Variants in NEK5 observed in about 807,000 individuals in gnomAD.
NEK5 encodes the protein serine/threonine-protein kinase Nek5.
NEK5 carries 88 observed loss-of-function variants against 109.2 expected under a neutral mutation model. That is an observed-to-expected ratio of 0.81 (90% CI 0.68 to 0.96). NEK5 has a LOEUF of 0.96. Ranked by LOEUF, NEK5 falls within the 40% of genes least tolerant of loss-of-function variation. The pLI is 0.00. For missense variants in NEK5, 834 were observed against 920.7 expected (o/e 0.91, Z 1.22); for synonymous variants, 283 against 299.9 (o/e 0.94, Z 0.58).
intron 20 of NEK5, among the ~76,000 whole-genome samples, chr13:52,071,446 T>C (rs1447226481): frequency 2.0e-5 from 3 of 152,270 alleles, no homozygotes; most frequent in Non-Finnish European, 4.4e-5. Context: ...TCTGCTGTGC[T>C]GCCCATTGCA....
At position 52,035,413 on chromosome 13, in the gene NEK5, T is replaced by C. The variant is rs2140864116; in HGVS notation, c.*1535A>G. Reference sequence around the variant, plus strand: ...GTTTAACAGTGTATCGGTGAGACATTTTACTTTTATTATAAAGCAGATATT... The same window carrying C: ...GTTTAACAGTGTATCGGTGAGACATCTTACTTTTATTATAAAGCAGATATT... On this transcript the variant is annotated 3_prime_UTR_variant, in exon 24 of 24. Transcript: ENST00000684899. The C allele has an allele frequency of 6.6e-6, 1 of 152,298 alleles. No individual in the cohort carries two copies. Among genetic ancestry groups the C allele is most frequent in the East Asian group, 1.9e-4 (1 of 5,178 alleles). 9.4% of individuals were successfully genotyped at this position (152,298 alleles called of 1,614,324 possible). A position where few individuals can be genotyped will look rare whatever the true frequency, so the allele number is the denominator to read the frequency against.
intron 16 of NEK5, among the ~76,000 whole-genome samples, chr13:52,085,094 T>A (rs965796887): frequency 2.6e-5 from 4 of 152,128 alleles, no homozygotes; most frequent in Admixed American, 2.6e-4. Flanking sequence ...ATTGTAATAA[T>A]CCTCATTTGT....
chr13:52,074,027 A>G (rs533713884), intron 19 of NEK5, among the ~76,000 whole-genome samples: 1 of 152,296 alleles, frequency 6.6e-6, no homozygotes, highest in African/African-American at 2.4e-5. Context: ...GGAATAATCA[A>G]TATCATTAAA....
At chr13:52,106,059 T>C (rs1955647622) in intron 8 of NEK5, among the ~76,000 whole-genome samples, 1 of 152,102 alleles carries the variant, frequency 6.6e-6, no homozygotes, top group Non-Finnish European at 1.5e-5. Context: ...ACAATGCAGC[T>C]GACCCAAGGC....
chr13:52,051,062 C>CT (rs34408976), intron 22 of NEK5, among the ~76,000 whole-genome samples: 168 of 143,044 alleles, frequency 1.2e-3, no homozygotes, highest in African/African-American at 2.7e-3. Context: ...AAGGCAGGGG[C>CT]TTTTTTTTTT....
At chr13:52,117,215 G>C (rs576840913) in intron 4 of NEK5, among the ~76,000 whole-genome samples, 44 of 152,276 alleles carry the variant, frequency 2.9e-4, no homozygotes, top group African/African-American at 9.9e-4. Context: ...CACTGCGCCC[G>C]GCCAAAACAT....
chr13:52,053,574 G>A (rs1954526807), intron 22 of NEK5, among the ~76,000 whole-genome samples: 1 of 151,786 alleles, frequency 6.6e-6, no homozygotes, highest in Non-Finnish European at 1.5e-5. Context: ...AAGTTCCAGA[G>A]ATTGAATCTT....
chr13:52,124,155 G>T (rs1397273694), intron 3 of NEK5, among the ~76,000 whole-genome samples: 1 of 152,162 alleles, frequency 6.6e-6, no homozygotes, highest in African/African-American at 2.4e-5. Flanking sequence ...AATTAGCTGG[G>T]TGTGGTGGCG....
Position 52,075,797 on chromosome 13 carries a change from G to A in NEK5, c.1683C>T (p.Asp561=). The change falls in exon 19 of 24, where the codon GAC becomes GAT. Residue 561 remains aspartate (D), a synonymous_variant. Coordinates refer to ENST00000684899, the MANE Select transcript of NEK5 (RefSeq NM_001365552.1). The part of the protein sequence containing the change: ...KKGVKFEINL[D]KCISDENILQ... ...GGATGTTTTCATCAGAAATACATTT[G>A]TCTAAATTAATTTCAAATTTTACCC... 6.5e-7 allele frequency: 1 copy of A among 1,537,774 alleles called. No individual in the cohort carries two copies.
At chr13:52,084,760 A>AGTGTGTGTGTGTGT (rs1487694445) in intron 16 of NEK5, among the ~76,000 whole-genome samples, 6 of 36,568 alleles carry the variant, frequency 1.6e-4, no homozygotes, top group African/African-American at 4.1e-4. Flanking sequence ...AGAGAGAGAG[A>AGTGTGTGTGTGTGT]GAGTGTGTGT....
At position 52,065,891 on chromosome 13, in the gene NEK5, A is replaced by G. The variant is rs78763673; in HGVS notation, c.1850-282T>C. 7.9e-5 allele frequency among the ~76,000 whole-genome samples: 12 copies of G among 152,350 alleles called. 1 individual carries two copies. The East Asian group carries it at 2.1e-3, about 27-fold the overall frequency. On this transcript the variant is annotated intron_variant, in intron 20 of 23. Coordinates refer to ENST00000684899, the MANE Select transcript of NEK5 (RefSeq NM_001365552.1). ...CTTGAGGCATCTATGAGAACTTTCA[A>G]TCTAGTCTTTTTCCACAGAAACAAA...
At chr13:52,110,067 C>T (rs1252940073) in intron 7 of NEK5, among the ~76,000 whole-genome samples, 3 of 152,146 alleles carry the variant, frequency 2.0e-5, no homozygotes, top group Non-Finnish European at 4.4e-5. Context: ...GCCTATTTCA[C>T]GAAATTCTCT....
chr13:52,041,753 A>AAAAAAAAAAAAC (rs1954416380), intron 23 of NEK5, among the ~76,000 whole-genome samples: 1 of 149,028 alleles, frequency 6.7e-6, no homozygotes, highest in African/African-American at 2.5e-5. Context: ...AAAAAAAAAA[A>AAAAAAAAAAAAC]TTCACCTGGA....
chr13:52,064,500 G>T (rs530056100), intron 21 of NEK5, among the ~76,000 whole-genome samples: 2 of 149,392 alleles, frequency 1.3e-5, no homozygotes, highest in South Asian at 2.1e-4. Flanking sequence ...AGGGAGGTGG[G>T]GGGGTCAGCC....
intron 21 of NEK5, among the ~76,000 whole-genome samples, chr13:52,064,240 C>T: frequency 1.4e-5 from 2 of 143,830 alleles, no homozygotes; most frequent in African/African-American, 2.6e-5. Context: ...GGGTCAGCCC[C>T]CCGCCCAGCC....
At chr13:52,047,402 G>A (rs1954468780) in intron 23 of NEK5, among the ~76,000 whole-genome samples, 1 of 152,170 alleles carries the variant, frequency 6.6e-6, no homozygotes, top group Non-Finnish European at 1.5e-5. Flanking sequence ...AATTCCTCTG[G>A]AGAAGTATAC....
chr13:52,083,326 G>A lies in NEK5; in HGVS notation c.1506C>T (p.Thr502=). ...PEENSKISHK[T]YLVKKSNLPV... ...GCAGGTTACTCTTCTTCACCAAATA[G>A]GTTTTATGACTTATTTTTGAGTTCT... Residue 502 remains threonine (T), a synonymous_variant, in exon 17 of 24, where the codon ACC becomes ACT. Transcript: ENST00000684899. 6.2e-7 allele frequency: 1 copy of A among 1,611,388 alleles called. No individual in the cohort carries two copies.
At chr13:52,111,407 C>A (rs1955755484) in intron 5 of NEK5, among the ~76,000 whole-genome samples, 1 of 152,032 alleles carries the variant, frequency 6.6e-6, no homozygotes, top group Non-Finnish European at 1.5e-5. Context: ...AAAAGAGTTT[C>A]TATCAATATG....
intron 12 of NEK5, among the ~76,000 whole-genome samples, chr13:52,096,830 G>A (rs1955426875): frequency 6.6e-6 from 1 of 152,190 alleles, no homozygotes. Flanking sequence ...AGATAATGGG[G>A]GAAATGCCTT....
Sources: allele counts gnomAD v4.1 joint callset (sites outside exome capture counted in the v4.1 genomes callset), GRCh38; gene constraint gnomAD v4.1.1; transcripts MANE v1.5; gene names NCBI Gene and HGNC (gene_info 2026-07-23, HGNC 2026-07-21).